Variants in RASGRF2 observed in about 807,000 individuals in gnomAD.
RASGRF2 encodes the protein Ras protein specific guanine nucleotide releasing factor 2.
A neutral mutation model predicts 151.0 loss-of-function variants in RASGRF2; 76 were observed. That is an observed-to-expected ratio of 0.50 (90% CI 0.42 to 0.61). The LOEUF is 0.61. RASGRF2 is among the 20% of genes least tolerant of loss of function. The pLI is 0.00. For missense variants in RASGRF2, 1,148 were observed against 1,564.6 expected, an observed-to-expected ratio of 0.73 and a Z score of 4.49; for synonymous variants, 504 against 566.5, an observed-to-expected ratio of 0.89 and a Z score of 1.57.
intron 24 of RASGRF2, chr5:81,217,143 C>G: frequency 3.0e-6 from 2 of 667,366 alleles, no homozygotes; most frequent in Non-Finnish European, 4.6e-6. Context: ...TTTTCAAACA[C>G]GTAGTAAAGC....
At chr5:81,171,314 A>C (rs1257536101) in intron 17 of RASGRF2, among the ~76,000 whole-genome samples, 1 of 152,208 alleles carries the variant, frequency 6.6e-6, no homozygotes, top group African/African-American at 2.4e-5. Context: ...AGAGGGTTTT[A>C]AAAATCGTTA....
chr5:81,174,585 C>T lies in RASGRF2; in HGVS notation c.2687-5590C>T, dbSNP rs535825054. Among the ~76,000 whole-genome samples, 4 of 152,320 alleles carry T rather than the reference C, an allele frequency of 2.6e-5. No homozygotes were observed. The East Asian group carries it at 5.8e-4, about 22-fold the overall frequency. On this transcript the variant is annotated intron_variant, in intron 17 of 26. Transcript: ENST00000265080. ...GCTTTTTCCTCAGCATGTTTCATAGCAAAGCACAAACTTGATTACCCAGGA... is the reference window on the plus strand; with the variant it reads ...GCTTTTTCCTCAGCATGTTTCATAGTAAAGCACAAACTTGATTACCCAGGA...
intron 1 of RASGRF2, chr5:81,019,654 T>A (rs1749765062): frequency 6.6e-6 from 1 of 152,054 alleles, no homozygotes; most frequent in Non-Finnish European, 1.5e-5. Flanking sequence ...TGGAGCAGCA[T>A]TTTTTTTAGA....
At chr5:80,989,163 G>T (rs999966889) in intron 1 of RASGRF2, among the ~76,000 whole-genome samples, 1 of 151,976 alleles carries the variant, frequency 6.6e-6, no homozygotes, top group Non-Finnish European at 1.5e-5. Context: ...TAGAGATGGG[G>T]TTTCTCCATG....
intron 1 of RASGRF2, among the ~76,000 whole-genome samples, chr5:81,000,688 A>G (rs1461259381): frequency 6.6e-6 from 1 of 152,232 alleles, no homozygotes; most frequent in Non-Finnish European, 1.5e-5. Context: ...TTGTCAAAGC[A>G]TAAGACTGCT....
At chr5:81,059,996 G>A (rs1751369132) in intron 2 of RASGRF2, among the ~76,000 whole-genome samples, 1 of 152,230 alleles carries the variant, frequency 6.6e-6, no homozygotes, top group Non-Finnish European at 1.5e-5. Context: ...TTTACTCATG[G>A]CAGAAGGCGA....
intron 17 of RASGRF2, among the ~76,000 whole-genome samples, chr5:81,139,423 A>T (rs553891004): frequency 7.3e-6 from 1 of 137,240 alleles, no homozygotes; most frequent in Admixed American, 7.3e-5. Context: ...TTTTTTTGAG[A>T]CAGAGTCTCG....
At chr5:80,985,105 G>A (rs547145145) in intron 1 of RASGRF2, among the ~76,000 whole-genome samples, 1 of 152,274 alleles carries the variant, frequency 6.6e-6, no homozygotes, top group South Asian at 2.1e-4. Flanking sequence ...CCAGCTACTT[G>A]GGAGGCTGAG....
intron 1 of RASGRF2, among the ~76,000 whole-genome samples, chr5:80,998,781 C>A (rs973998663): frequency 1.1e-4 from 16 of 152,242 alleles, no homozygotes; most frequent in African/African-American, 3.9e-4. Context: ...GGCTTCTGGC[C>A]TGGTTCAGCC....
At chr5:81,114,029 T>C (rs1301812306) in intron 15 of RASGRF2, 109 bp downstream of exon 15, 2 of 1,348,546 alleles carry the variant, frequency 1.5e-6, no homozygotes, top group Non-Finnish European at 2.0e-6. Context: ...GTAATACTTC[T>C]GCATAGAAAG....
chr5:80,982,774 G>C (rs1027271508), intron 1 of RASGRF2, among the ~76,000 whole-genome samples: 1 of 151,750 alleles, frequency 6.6e-6, no homozygotes, highest in African/African-American at 2.4e-5. Context: ...CTCATTTTTT[G>C]TATTTTTAGT....
At chr5:81,212,700 G>C in intron 23 of RASGRF2, 137 bp downstream of exon 23, 5 of 760,114 alleles carry the variant, frequency 6.6e-6, no homozygotes, top group Non-Finnish European at 1.0e-5. Context: ...TGCCAACATG[G>C]GTAATTACAG....
intron 10 of RASGRF2, among the ~76,000 whole-genome samples, chr5:81,093,398 A>T (rs542644757): frequency 1.3e-5 from 2 of 152,092 alleles, no homozygotes; most frequent in Admixed American, 1.3e-4. Flanking sequence ...TGTTTTTGTT[A>T]ATAAAATTTT....
At chr5:81,016,387 TA>T (rs2112326480) in intron 1 of RASGRF2, among the ~76,000 whole-genome samples, 1 of 152,360 alleles carries the variant, frequency 6.6e-6, no homozygotes, top group South Asian at 2.1e-4. Context: ...TCCAGATTTT[TA>T]TGATAGGCTC....
At chr5:81,008,789 A>G (rs1160922467) in intron 1 of RASGRF2, among the ~76,000 whole-genome samples, 3 of 152,172 alleles carry the variant, frequency 2.0e-5, no homozygotes, top group Non-Finnish European at 4.4e-5. Flanking sequence ...GGCATCTAGA[A>G]CCATTATAAA....
intron 1 of RASGRF2, among the ~76,000 whole-genome samples, chr5:80,999,939 A>G (rs1192516919): frequency 6.6e-6 from 1 of 152,166 alleles, no homozygotes; most frequent in Non-Finnish European, 1.5e-5. Context: ...ATGTTCACAG[A>G]TTCTGTGGGT....
chr5:81,124,067 G>C (rs2112566735), intron 16 of RASGRF2, among the ~76,000 whole-genome samples: 1 of 152,248 alleles, frequency 6.6e-6, no homozygotes, highest in South Asian at 2.1e-4. Context: ...TAGTATGACA[G>C]CTATTTACAT....
chr5:81,183,268 G>C (rs1273358821), intron 18 of RASGRF2: 2 of 982,130 alleles, frequency 2.0e-6, no homozygotes, highest in Admixed American at 1.2e-4. Flanking sequence ...GAGAATCAAG[G>C]CTGCCACAGA....
chr5:81,134,009 G>A (rs950429298), intron 17 of RASGRF2, among the ~76,000 whole-genome samples: 7 of 151,906 alleles, frequency 4.6e-5, no homozygotes, highest in African/African-American at 1.2e-4. Flanking sequence ...GGGGTACATC[G>A]TGGGATTCAG....
Sources: allele counts gnomAD v4.1 joint callset (sites outside exome capture counted in the v4.1 genomes callset), GRCh38; gene constraint gnomAD v4.1.1; transcripts MANE v1.5; gene names NCBI Gene and HGNC (gene_info 2026-07-23, HGNC 2026-07-21).